The following SRGAP2 variants were observed in gnomAD, a reference collection of about 807,000 sequenced individuals.
SRGAP2 encodes the protein SLIT-ROBO Rho GTPase-activating protein 2.
Under a neutral mutation model 57.2 loss-of-function variants are expected in SRGAP2, and 15 were observed. That is an observed-to-expected ratio of 0.26 (90% confidence interval 0.18 to 0.40). The LOEUF is 0.40. SRGAP2 is among the 10% of genes least tolerant of loss of function. SRGAP2 has a pLI of 1.00. For synonymous variants in SRGAP2, 249 were observed against 248.0 expected (o/e 1.00, Z -0.04); for missense variants, 520 against 669.6 (o/e 0.78, Z 2.47).
intron 3 of SRGAP2, among the ~76,000 whole-genome samples, chr1:206,339,604 A>G (rs1402970780): frequency 6.6e-6 from 1 of 151,714 alleles, no homozygotes; most frequent in African/African-American, 2.4e-5. Context: ...GCTCATTTGA[A>G]TGGATGTGTC....
At chr1:206,209,887 T>TTG (rs1666200803) in intron 2 of SRGAP2, among the ~76,000 whole-genome samples, 1 of 113,156 alleles carries the variant, frequency 8.8e-6, no homozygotes. Flanking sequence ...ATGTAAATAG[T>TTG]TATACTGCTT....
In SRGAP2 at chr1:206,425,652, G is replaced by A. The variant is rs562471630; in HGVS notation, c.1494+4378G>A. ...TCAATTCAAGCAGTTCTCATGCCTC[G>A]ACCTCCCAAGTAGCTGGGATTACAG... On this transcript the variant is annotated intron_variant, in intron 13 of 22. Coordinates refer to ENST00000573034, the MANE Select transcript of SRGAP2 (RefSeq NM_015326.5). Among the ~76,000 whole-genome samples the A allele has an allele frequency of 5.9e-5, 9 of 151,688 alleles. No individual in the cohort carries two copies. In the South Asian group the frequency reaches 1.0e-3, roughly 18 times the overall value.
intron 17 of SRGAP2, among the ~76,000 whole-genome samples, chr1:206,440,479 G>A (rs1009330042): frequency 4.6e-5 from 7 of 152,094 alleles, no homozygotes; most frequent in South Asian, 2.1e-4. Context: ...AGAGTGCCAC[G>A]GGGCCATTTA....
chr1:206,459,008 A>G, intron 22 of SRGAP2, 61 bp downstream of exon 22: 1 of 658,780 alleles, frequency 1.5e-6, no homozygotes, highest in South Asian at 1.8e-5. Flanking sequence ...ACTTAGTGCC[A>G]CCCACCTAAT....
chr1:206,454,392 A>G lies in SRGAP2; in HGVS notation c.2361-486A>G, dbSNP rs1019979051. ...GTGGAGAGACCTGGGACCGGCTTGGATGCTCTGAGCGGGGCTAGAGGCGCT... is the reference window on the plus strand; with the variant it reads ...GTGGAGAGACCTGGGACCGGCTTGGGTGCTCTGAGCGGGGCTAGAGGCGCT... On this transcript the variant is annotated intron_variant, in intron 20 of 22. Coordinates refer to ENST00000573034, the MANE Select transcript of SRGAP2 (RefSeq NM_015326.5). This position sits in a 1 kb window ranked among gnomAD's most constrained non-coding sequence, Gnocchi z 4.3. 1.2e-5 allele frequency: 7 copies of G among 589,664 alleles called. No homozygotes were observed. The South Asian group carries it at 1.5e-4, about 12-fold the overall frequency. The allele number at this position is 589,664 out of a possible 1,614,324, so 36.5% of individuals were successfully genotyped here. A position where few individuals can be genotyped will look rare whatever the true frequency, so the allele number is the denominator to read the frequency against.
intron 4 of SRGAP2, among the ~76,000 whole-genome samples, chr1:206,343,278 G>GA (rs1282639300): frequency 2.6e-5 from 4 of 151,994 alleles, no homozygotes; most frequent in African/African-American, 7.3e-5. Context: ...TACTTGCGGA[G>GA]AAAAAAAATA....
chr1:206,409,517 C>T (rs1328145807), intron 10 of SRGAP2, among the ~76,000 whole-genome samples: 2 of 152,106 alleles, frequency 1.3e-5, no homozygotes, highest in Non-Finnish European at 2.9e-5. Flanking sequence ...TATGGCGGCT[C>T]ATGCCTGTAA....
chr1:206,204,233 A>T, intron 1 of SRGAP2: 1 of 477,596 alleles, frequency 2.1e-6, no homozygotes, highest in South Asian at 2.2e-5. Context: ...GCCCATGATC[A>T]TGCCCCAATT....
intron 4 of SRGAP2, among the ~76,000 whole-genome samples, chr1:206,383,359 A>G (rs1572011042): frequency 1.3e-5 from 2 of 151,384 alleles, no homozygotes; most frequent in South Asian, 4.2e-4. Flanking sequence ...ATGTAGTTAG[A>G]TGTCAGCCCT....
chr1:206,441,405 C>T (rs1444472769), intron 17 of SRGAP2, among the ~76,000 whole-genome samples: 1 of 152,142 alleles, frequency 6.6e-6, no homozygotes, highest in Non-Finnish European at 1.5e-5. Flanking sequence ...TGGGGCATTT[C>T]TTCTCGTCCA....
At chr1:206,333,201 G>T in intron 3 of SRGAP2, 1 of 523,192 alleles carries the variant, frequency 1.9e-6, no homozygotes, top group Non-Finnish European at 3.5e-6. Flanking sequence ...GAGAACCACT[G>T]CTCTCTTCAA....
intron 17 of SRGAP2, among the ~76,000 whole-genome samples, chr1:206,442,047 A>G (rs1174146217): frequency 1.3e-5 from 2 of 152,232 alleles, no homozygotes; most frequent in Non-Finnish European, 2.9e-5. Flanking sequence ...TAAAAGGAAT[A>G]CAACTTTAGA....
intron 10 of SRGAP2, among the ~76,000 whole-genome samples, chr1:206,415,518 G>A (rs1235638756): frequency 6.6e-6 from 1 of 152,200 alleles, no homozygotes; most frequent in Non-Finnish European, 1.5e-5. Context: ...CCAGGGCAGG[G>A]TGGGATGTCA....
intron 16 of SRGAP2, 22 bp from the exon 17 acceptor site, chr1:206,439,954 C>T (rs371269590): frequency 4.2e-4 from 328 of 779,816 alleles, no homozygotes; most frequent in Middle Eastern, 9.0e-4. Flanking sequence ...TGGAGGATAA[C>T]ACATGGCTTT....
At chr1:206,428,372 G>A (rs1169388564) in intron 13 of SRGAP2, among the ~76,000 whole-genome samples, 1 of 146,736 alleles carries the variant, frequency 6.8e-6, no homozygotes, top group Non-Finnish European at 1.5e-5. Context: ...ACCTGAGATC[G>A]CACCACTGCA....
At chr1:206,386,796 CAA>C (rs1225123382) in intron 5 of SRGAP2, among the ~76,000 whole-genome samples, 13 of 90,244 alleles carry the variant, frequency 1.4e-4, no homozygotes, top group Non-Finnish European at 1.9e-4. Context: ...GAGACTGTCT[CAA>C]AAAAAAAAAA....
chr1:206,440,723 T>G (rs1341902114), intron 17 of SRGAP2, among the ~76,000 whole-genome samples: 3 of 152,118 alleles, frequency 2.0e-5, no homozygotes, highest in African/African-American at 7.2e-5. Context: ...ATTTTTGTAT[T>G]TTTAGTAGAC....
intron 2 of SRGAP2, among the ~76,000 whole-genome samples, chr1:206,284,071 A>G (rs1670885111): frequency 6.6e-6 from 1 of 152,070 alleles, no homozygotes; most frequent in Non-Finnish European, 1.5e-5. Context: ...TTCTTGACCT[A>G]ATGTTTGGAA....
intron 2 of SRGAP2, among the ~76,000 whole-genome samples, chr1:206,289,475 C>T (rs1312112937): frequency 1.7e-4 from 26 of 151,888 alleles, no homozygotes; most frequent in African/African-American, 6.3e-4. Flanking sequence ...GACGGGGTTT[C>T]ACTGTGTTAG....
Sources: allele counts gnomAD v4.1 joint callset (sites outside exome capture counted in the v4.1 genomes callset), GRCh38; gene constraint gnomAD v4.1.1; non-coding constraint Gnocchi (gnomAD v3.1); transcripts MANE v1.5; gene names NCBI Gene and HGNC (gene_info 2026-07-23, HGNC 2026-07-21).